The following ABLIM2 variants were observed in gnomAD, a reference collection of about 807,000 sequenced individuals.
The protein encoded by ABLIM2 is actin-binding LIM protein 2.
In ABLIM2, 53 loss-of-function variants were observed where a neutral mutation model predicts 97.7. The ratio of observed to expected loss-of-function variants is 0.54; its 90% CI spans 0.44 to 0.68. The LOEUF is 0.68. Among genes scored for constraint, ABLIM2 ranks in the 30% least tolerant of loss-of-function variants. The probability of loss-of-function intolerance (pLI) is 0.00; values close to 1 mark genes in which losing one functional copy is unlikely to be tolerated. For synonymous variants in ABLIM2, 361 were observed against 345.8 expected, an observed-to-expected ratio of 1.04 and a Z score of -0.49; for missense variants, 835 against 867.2, an observed-to-expected ratio of 0.96 and a Z score of 0.47.
chr4:8,158,637 G>C, intron 1 of ABLIM2, 43 bp downstream of exon 1: 2 of 1,505,490 alleles, frequency 1.3e-6, no homozygotes, highest in South Asian at 2.5e-5. Context: ...GGCGCCGCGA[G>C]CCAGCGCGGG....
intron 9 of ABLIM2, among the ~76,000 whole-genome samples, chr4:8,037,367 G>T (rs1308082697): frequency 6.6e-6 from 1 of 150,492 alleles, no homozygotes; most frequent in Non-Finnish European, 1.5e-5. Context: ...GCACACACAT[G>T]CACTACACAC....
At position 8,082,543 on chromosome 4, in the gene ABLIM2, T is replaced by C. The variant is rs987943199; in HGVS notation, c.455-1741A>G. On this transcript the variant is annotated intron_variant, in intron 4 of 20. Transcript: ENST00000447017. The surrounding 1 kb of genome is among the most constrained non-coding windows in gnomAD (Gnocchi z 5.6). ...GCAGAGACCTGAGTCATATTGTTTT[T>C]AACAATTAAAACAAACGAACACTCA... Among the ~76,000 whole-genome samples the C allele has an allele frequency of 2.0e-5, 3 of 152,220 alleles. No homozygotes were observed. Among genetic ancestry groups the C allele is most frequent in the African/African-American group, 7.2e-5 (3 of 41,454 alleles).
In ABLIM2 at chr4:8,088,227, C is replaced by CT. The variant is rs780967067; in HGVS notation, c.395dup (p.Lys133GlufsTer47). On this transcript the variant is annotated frameshift_variant, in exon 4 of 21. Coordinates refer to ENST00000447017, the MANE Select transcript of ABLIM2 (RefSeq NM_001130083.2). LOFTEE classifies it high-confidence loss of function. ...CCACCGATACGGGCAGGGAACACTTCTGGCACATGCATTCCTTCCCGTTGA... is the reference window on the plus strand; with the variant it reads ...CCACCGATACGGGCAGGGAACACTTCTTGGCACATGCATTCCTTCCCGTTGA... The CT allele has an allele frequency of 6.2e-7, 1 of 1,613,122 alleles. No homozygotes were observed. Among genetic ancestry groups the CT allele is most frequent in the Non-Finnish European group, 8.5e-7 (1 of 1,179,674 alleles).
Position 8,035,066 on chromosome 4 carries a change from A to C in ABLIM2, c.1047+1083T>G, listed in dbSNP as rs1250643921. On this transcript the variant is annotated intron_variant, in intron 10 of 20. Transcript: ENST00000447017. ...TGATGGGTGGTAGGTAGGTGGGTGC[A>C]GGTGAGTGGGTGGCAGGTAGGTGGG... 2.8e-5 allele frequency among the ~76,000 whole-genome samples: 2 copies of C among 72,220 alleles called. 1 individual carries two copies. Among genetic ancestry groups the C allele is most frequent in the Non-Finnish European group, 6.3e-5 (2 of 31,996 alleles). The allele number at this position is 72,220 out of a possible 152,430, so 47.4% of individuals were successfully genotyped here.
intron 12 of ABLIM2, among the ~76,000 whole-genome samples, chr4:8,024,010 C>T (rs569571563): frequency 6.6e-6 from 1 of 152,308 alleles, no homozygotes; most frequent in Non-Finnish European, 1.5e-5. Flanking sequence ...CCTGGGTCCT[C>T]AACCACAATC....
chr4:7,972,970 T>G (rs1182855153), intron 20 of ABLIM2, among the ~76,000 whole-genome samples: 5 of 152,064 alleles, frequency 3.3e-5, no homozygotes, highest in Non-Finnish European at 7.4e-5. Flanking sequence ...TCCAACAATT[T>G]GGGCTCTCAC....
chr4:8,070,504 C>T (rs752175378), intron 6 of ABLIM2, among the ~76,000 whole-genome samples: 2 of 152,066 alleles, frequency 1.3e-5, no homozygotes, highest in South Asian at 2.1e-4. Flanking sequence ...TTTGGAAACA[C>T]GGTTTGTTTT....
intron 1 of ABLIM2, among the ~76,000 whole-genome samples, chr4:8,111,683 T>G (rs998847604): frequency 3.9e-5 from 6 of 152,076 alleles, no homozygotes; most frequent in Admixed American, 1.3e-4. Context: ...TCCCAGCACT[T>G]TGGGAAGCTG....
rs1164762552 is a variant in ABLIM2 at position 8,005,498 on chromosome 4, T to A, written c.1618+2561A>T. On this transcript the variant is annotated intron_variant, in intron 16 of 20. Transcript: ENST00000447017. This position sits in a 1 kb window ranked among gnomAD's most constrained non-coding sequence, Gnocchi z 4.9. ...AGTAAAAGCTGTGTGCAAATGGAAC[T>A]GGTGCCCACGGACTCAGGTCTGGGG... The A allele has an allele frequency of 3.5e-5, 18 of 520,770 alleles. No individual in the cohort carries two copies. The highest frequency in any genetic ancestry group is 7.0e-5 in the Non-Finnish European group (18 of 255,660). 32.3% of individuals were successfully genotyped at this position (520,770 alleles called of 1,614,324 possible). A position where few individuals can be genotyped will look rare whatever the true frequency, so the allele number is the denominator to read the frequency against.
intron 1 of ABLIM2, among the ~76,000 whole-genome samples, chr4:8,119,696 C>T (rs978455965): frequency 1.3e-5 from 2 of 152,184 alleles, no homozygotes; most frequent in African/African-American, 4.8e-5. Context: ...ATACTTTGCA[C>T]AGTGCTGCAA....
At chr4:8,024,447 C>T (rs535854896) in intron 12 of ABLIM2, among the ~76,000 whole-genome samples, 1 of 152,278 alleles carries the variant, frequency 6.6e-6, no homozygotes, top group South Asian at 2.1e-4. Context: ...GGCAGCCGCC[C>T]CCGTACAGTG....
rs2149954829 is a variant in ABLIM2, at chr4:7,992,813, C to G, written c.1680+53G>C. The G allele has an allele frequency of 1.3e-6, 2 of 1,580,024 alleles. No individual in the cohort carries two copies. Among genetic ancestry groups the G allele is most frequent in the South Asian group, 2.3e-5 (2 of 88,020 alleles). ...GTCAAGAAGCTGTGGGAAACGTGCT[C>G]AGCCTCACAGCAATCGTTAGTACCC... On this transcript the variant is annotated intron_variant, in intron 17 of 20. Transcript: ENST00000447017. The surrounding 1 kb of genome is among the most constrained non-coding windows in gnomAD (Gnocchi z 5.7).
rs370773718 is a variant in ABLIM2, at chr4:8,080,843, T to C, written c.455-41A>G. The C allele has an allele frequency of 1.4e-4, 219 of 1,569,488 alleles. No individual in the cohort carries two copies. The African/African-American group carries it at 2.7e-3, about 19-fold the overall frequency. Reference sequence around the variant, plus strand: ...GAGAACACAGACACCCCCACCATTGTGAGAGGTGTTGGGGAGGCCTCCTGC... The same window carrying C: ...GAGAACACAGACACCCCCACCATTGCGAGAGGTGTTGGGGAGGCCTCCTGC... On this transcript the variant is annotated intron_variant, in intron 4 of 20. Coordinates refer to ENST00000447017, the MANE Select transcript of ABLIM2 (RefSeq NM_001130083.2).
At chr4:7,980,718 G>GA (rs757171128) in intron 20 of ABLIM2, among the ~76,000 whole-genome samples, 26,301 of 131,934 alleles carry the variant, frequency 0.2, 2,584 homozygotes, top group Non-Finnish European at 0.25. Context: ...CTGTCTCAAA[G>GA]AAAAAAAAAA....
At position 7,983,320 on chromosome 4, in the gene ABLIM2, C is replaced by T. The variant is rs200508979; in HGVS notation, c.1768G>A (p.Val590Ile). The T allele has an allele frequency of 2.3e-4, 374 of 1,612,234 alleles. 1 individual carries two copies. The highest frequency in any genetic ancestry group is 2.9e-4 in the Non-Finnish European group (340 of 1,179,450). ...YKIYPYDSLI[V>I]TNRIRVKLPK... ...AGTTTCACGCGAATTCGGTTTGTGA[C>T]GATGAGGGAGTCATACGGATAGATC... The change falls in exon 20 of 21, where the codon GTC becomes ATC. Residue 590 changes from valine to isoleucine, a missense_variant. Physicochemically the swap from Val to Ile is conservative, Grantham distance 29. Transcript: ENST00000447017.
intron 14 of ABLIM2, among the ~76,000 whole-genome samples, chr4:8,011,540 CAT>C (rs1764930340): frequency 6.6e-6 from 1 of 152,196 alleles, no homozygotes; most frequent in Non-Finnish European, 1.5e-5. Flanking sequence ...GTGAGGATCA[CAT>C]GAGATAACCT....
intron 6 of ABLIM2, chr4:8,066,491 C>T (rs543053454): frequency 5.3e-5 from 8 of 151,908 alleles, no homozygotes; most frequent in African/African-American, 9.7e-5. Context: ...TATATAACAG[C>T]GAAAGGATAG....
intron 6 of ABLIM2, among the ~76,000 whole-genome samples, chr4:8,074,667 A>C (rs1020098612): frequency 1.3e-5 from 2 of 152,246 alleles, no homozygotes; most frequent in Non-Finnish European, 2.9e-5. Flanking sequence ...AAAATTAGAA[A>C]TGCAAACAAA....
At chr4:8,154,394 G>T (rs1714520415) in intron 1 of ABLIM2, among the ~76,000 whole-genome samples, 1 of 148,076 alleles carries the variant, frequency 6.8e-6, no homozygotes, top group South Asian at 2.1e-4. Flanking sequence ...CGATTCTCCT[G>T]CCTCAGCCTC....
Sources: gnomAD v4.1 joint callset for allele counts (sites outside exome capture counted in the v4.1 genomes callset) on GRCh38, gnomAD v4.1.1 for gene constraint, Gnocchi (gnomAD v3.1) non-coding constraint, MANE v1.5 for transcripts, NCBI Gene and HGNC (gene_info 2026-07-23, HGNC 2026-07-21) for gene names.